The following TMEM53 variants were observed in gnomAD, a reference collection of about 807,000 sequenced individuals.
The protein encoded by TMEM53 is novel DUF829 domain-containing protein.
TMEM53 carries 14 observed loss-of-function variants against 21.4 expected under a neutral mutation model. The ratio of observed to expected loss-of-function variants is 0.65; its 90% CI spans 0.43 to 1.02. The LOEUF is 1.02. TMEM53 is among the 50% of genes least tolerant of loss of function. The pLI, the probability that TMEM53 is intolerant of heterozygous loss-of-function variation, is 0.00. For missense variants in TMEM53, 323 were observed against 383.6 expected, an observed-to-expected ratio of 0.84 and a Z score of 1.32; for synonymous variants, 148 against 157.4, an observed-to-expected ratio of 0.94 and a Z score of 0.45.
At chr1:44,661,667 C>T (rs1357091553) in intron 1 of TMEM53, among the ~76,000 whole-genome samples, 2 of 152,180 alleles carry the variant, frequency 1.3e-5, no homozygotes, top group Non-Finnish European at 2.9e-5. Flanking sequence ...CCTCTTATTA[C>T]AGATGAAGAA....
At position 44,674,452 on chromosome 1, in the gene TMEM53, C is replaced by T. The variant is rs577285653; in HGVS notation, c.-61G>A. 5.2e-6 allele frequency: 8 copies of T among 1,547,076 alleles called. No individual in the cohort carries two copies. The highest frequency in any genetic ancestry group is 7.0e-6 in the Non-Finnish European group (8 of 1,142,488). On this transcript the variant is annotated 5_prime_UTR_variant, in exon 1 of 3. Transcript: ENST00000372237. Reference sequence around the variant, plus strand: ...CGGAACTCCCGCTTGCGCACCCGTGCCTCACCCGGGCGCCTCCTGGGCGCC... The same window carrying T: ...CGGAACTCCCGCTTGCGCACCCGTGTCTCACCCGGGCGCCTCCTGGGCGCC...
In TMEM53 at chr1:44,653,858, G is replaced by A. The variant is rs1473392315; in HGVS notation, c.*701C>T. On this transcript the variant is annotated 3_prime_UTR_variant, in exon 3 of 3. Coordinates refer to ENST00000372237, the MANE Select transcript of TMEM53 (RefSeq NM_024587.4). ...GTAACAGGCACAAAGTTTCAGTTATGCAAGATGATGAAGTTCTGAATTATG... is the reference window on the plus strand; with the variant it reads ...GTAACAGGCACAAAGTTTCAGTTATACAAGATGATGAAGTTCTGAATTATG... 2 of 152,246 alleles carry A rather than the reference G, an allele frequency of 1.3e-5. No individual in the cohort carries two copies. Among genetic ancestry groups the A allele is most frequent in the Non-Finnish European group, 2.9e-5 (2 of 68,044 alleles). The allele number at this position is 152,246 out of a possible 1,614,324, so 9.4% of individuals were successfully genotyped here.
chr1:44,654,349 G>T lies in TMEM53; in HGVS notation c.*210C>A. ...AAGGCTCCCACAGACACATGCCCAGGCACTCCTGCCCCTTAGGATTCTGTG... is the reference window on the plus strand; with the variant it reads ...AAGGCTCCCACAGACACATGCCCAGTCACTCCTGCCCCTTAGGATTCTGTG... On this transcript the variant is annotated 3_prime_UTR_variant, in exon 3 of 3. Transcript: ENST00000372237. The surrounding 1 kb of genome is among the most constrained non-coding windows in gnomAD (Gnocchi z 7.0). 3.5e-6 allele frequency: 2 copies of T among 578,562 alleles called. No individual in the cohort carries two copies. The highest frequency in any genetic ancestry group is 4.6e-5 in the South Asian group (2 of 43,942). 35.8% of individuals were successfully genotyped at this position (578,562 alleles called of 1,614,324 possible).
chr1:44,665,065 C>T (rs138163376), intron 1 of TMEM53, among the ~76,000 whole-genome samples: 10 of 152,202 alleles, frequency 6.6e-5, no homozygotes, highest in East Asian at 3.9e-4. Flanking sequence ...CCTTCCTTGA[C>T]GCCCTCCCCA....
At chr1:44,673,365 A>G (rs1214529953) in intron 1 of TMEM53, among the ~76,000 whole-genome samples, 1 of 152,228 alleles carries the variant, frequency 6.6e-6, no homozygotes, top group Non-Finnish European at 1.5e-5. Context: ...TCACTGTGGT[A>G]GCAGTTTAAG....
At chr1:44,669,118 T>C (rs939983325) in intron 1 of TMEM53, among the ~76,000 whole-genome samples, 3 of 152,234 alleles carry the variant, frequency 2.0e-5, no homozygotes, top group Non-Finnish European at 4.4e-5. Flanking sequence ...GAAATTATTA[T>C]TACTTCACAA....
rs539217610 is a variant in TMEM53 at position 44,671,258 on chromosome 1, G to A, written c.61+3073C>T. ...GGCTTTAGCAAAGGCCTGGGCAGAC[G>A]ACCATCGGTGTGGGCAGCCAATAGG... is the stretch of plus-strand genomic sequence containing the variant. On this transcript the variant is annotated intron_variant, in intron 1 of 2. Coordinates refer to ENST00000372237, the MANE Select transcript of TMEM53 (RefSeq NM_024587.4). Among the ~76,000 whole-genome samples the A allele has an allele frequency of 4.6e-5, 7 of 152,360 alleles. No individual in the cohort carries two copies. The South Asian group carries it at 1.4e-3, about 32-fold the overall frequency.
At chr1:44,656,327 T>C (rs908932029) in intron 2 of TMEM53, among the ~76,000 whole-genome samples, 2 of 152,064 alleles carry the variant, frequency 1.3e-5, no homozygotes, top group African/African-American at 4.8e-5. Flanking sequence ...TGACACAAAG[T>C]AAACTCTCAA....
chr1:44,661,398 C>A (rs1317660159), intron 1 of TMEM53, among the ~76,000 whole-genome samples: 2 of 142,444 alleles, frequency 1.4e-5, no homozygotes, highest in Non-Finnish European at 3.2e-5. Context: ...GTGCAGCTTT[C>A]TTTTTCTTTT....
chr1:44,668,309 C>T (rs1172336810), intron 1 of TMEM53, among the ~76,000 whole-genome samples: 31 of 151,928 alleles, frequency 2.0e-4, no homozygotes, highest in African/African-American at 6.8e-4. Context: ...AGCGTGGTGG[C>T]GGGCGCCTAT....
intron 1 of TMEM53, chr1:44,673,892 G>A (rs2148542850): frequency 3.0e-6 from 3 of 985,398 alleles, no homozygotes; most frequent in Non-Finnish European, 3.6e-6. Flanking sequence ...TCTGAGTCCC[G>A]GGCTTCTGCG....
chr1:44,655,233 C>A lies in TMEM53; in HGVS notation c.184-24G>T. On this transcript the variant is annotated intron_variant, in intron 2 of 2. Coordinates refer to ENST00000372237, the MANE Select transcript of TMEM53 (RefSeq NM_024587.4). This position sits in a 1 kb window ranked among gnomAD's most constrained non-coding sequence, Gnocchi z 4.4. Reference sequence around the variant, plus strand: ...CCCTGGGGAGAGAGGCCTGGTCAGTCCTCACAGATGAGGTGGGGGTAGTGG... The same window carrying A: ...CCCTGGGGAGAGAGGCCTGGTCAGTACTCACAGATGAGGTGGGGGTAGTGG... 1 of 1,569,806 alleles carries A rather than the reference C, an allele frequency of 6.4e-7. No homozygotes were observed. Among genetic ancestry groups the A allele is most frequent in the African/African-American group, 1.4e-5 (1 of 73,738 alleles).
At position 44,655,696 on chromosome 1, in the gene TMEM53, G is replaced by A. The variant is rs930355873; in HGVS notation, c.184-487C>T. ...TAGTACCCCCATGAGACCAGTACCC[G>A]AGAGCTGGCCTGCAGGCGCCAGCCC... is the stretch of plus-strand genomic sequence containing the variant. On this transcript the variant is annotated intron_variant, in intron 2 of 2. Coordinates refer to ENST00000372237, the MANE Select transcript of TMEM53 (RefSeq NM_024587.4). The surrounding 1 kb of genome is among the most constrained non-coding windows in gnomAD (Gnocchi z 4.4). 3.3e-5 allele frequency among the ~76,000 whole-genome samples: 5 copies of A among 151,966 alleles called. No homozygotes were observed. The highest frequency in any genetic ancestry group is 1.9e-4 in the East Asian group (1 of 5,174).
intron 1 of TMEM53, among the ~76,000 whole-genome samples, chr1:44,661,353 A>C (rs1478386989): frequency 2.6e-5 from 4 of 151,314 alleles, no homozygotes. Context: ...GCCTCGGCCT[A>C]CTGAGTGGCT....
chr1:44,661,237 A>G (rs1431274554), intron 1 of TMEM53, among the ~76,000 whole-genome samples: 1 of 151,866 alleles, frequency 6.6e-6, no homozygotes, highest in Non-Finnish European at 1.5e-5. Context: ...ATGGAAGAAG[A>G]GGGTCTTTTC....
At position 44,654,447 on chromosome 1, in the gene TMEM53, A is replaced by G. The variant is rs1332149095; in HGVS notation, c.*112T>C. 5.3e-6 allele frequency: 7 copies of G among 1,327,086 alleles called. No homozygotes were observed. The African/African-American group carries it at 5.9e-5, about 11-fold the overall frequency. The allele number at this position is 1,327,086 out of a possible 1,614,324, so 82.2% of individuals were successfully genotyped here. On this transcript the variant is annotated 3_prime_UTR_variant, in exon 3 of 3. Coordinates refer to ENST00000372237, the MANE Select transcript of TMEM53 (RefSeq NM_024587.4). The surrounding 1 kb of genome is among the most constrained non-coding windows in gnomAD (Gnocchi z 7.0). The stretch of plus-strand genomic sequence containing the variant: ...GGAATTTTCTACTTAGGGGACCGCA[A>G]AGTCCCAAAGGGCTACAGGGAGTTG...
In TMEM53 at chr1:44,653,322, G is replaced by A. The variant is rs1171770262; in HGVS notation, c.*1237C>T. The A allele has an allele frequency of 6.6e-6, 1 of 152,222 alleles. No individual in the cohort carries two copies. The highest frequency in any genetic ancestry group is 1.5e-5 in the Non-Finnish European group (1 of 68,042). The allele number at this position is 152,222 out of a possible 1,614,324, so 9.4% of individuals were successfully genotyped here. On this transcript the variant is annotated 3_prime_UTR_variant, in exon 3 of 3. Coordinates refer to ENST00000372237, the MANE Select transcript of TMEM53 (RefSeq NM_024587.4). ...AGTAGTGACTTCTAGAATGATCAAT[G>A]ATACTGAACTATCAGGCTGAATTCA...
chr1:44,671,662 C>T (rs1416624184), intron 1 of TMEM53, among the ~76,000 whole-genome samples: 1 of 152,224 alleles, frequency 6.6e-6, no homozygotes, highest in East Asian at 1.9e-4. Flanking sequence ...GGCACAGTGG[C>T]TCACGCCTGT....
chr1:44,655,168 G>A lies in TMEM53; in HGVS notation c.225C>T (p.Val75=), dbSNP rs1217081544. Residue 75 remains valine, a synonymous_variant, in exon 3 of 3, where the codon GTC becomes GTT. Transcript: ENST00000372237. The surrounding 1 kb of genome is among the most constrained non-coding windows in gnomAD (Gnocchi z 4.4). ...VIRYTAPWHM[V]FFSESLGIPS... ...GGATACCCAGTGACTCGGAGAAGAA[G>A]ACCATGTGCCACGGGGCTGTGTATC... The A allele has an allele frequency of 1.2e-6, 2 of 1,613,396 alleles. No individual in the cohort carries two copies.
Sources: gnomAD v4.1 joint callset for allele counts (sites outside exome capture counted in the v4.1 genomes callset) on GRCh38, gnomAD v4.1.1 for gene constraint, Gnocchi (gnomAD v3.1) non-coding constraint, MANE v1.5 for transcripts, NCBI Gene and HGNC (gene_info 2026-07-23, HGNC 2026-07-21) for gene names.